The following CACNA2D1 variants were observed in gnomAD, a reference collection of about 807,000 sequenced individuals.
CACNA2D1 encodes the protein calcium voltage-gated channel auxiliary subunit alpha2delta 1, also known as voltage-dependent calcium channel subunit alpha-2/delta-1.
Under a neutral mutation model 171.5 loss-of-function variants are expected in CACNA2D1, and 53 were observed. That is an observed-to-expected ratio of 0.31 (90% confidence interval 0.25 to 0.39). The LOEUF (loss-of-function observed/expected upper bound fraction) is 0.39, where lower values mean the gene tolerates loss of function less well. CACNA2D1 is among the 10% of genes least tolerant of loss of function. The pLI, the probability that CACNA2D1 is intolerant of heterozygous loss-of-function variation, is 1.00. For synonymous variants in CACNA2D1, 442 were observed against 443.1 expected (o/e 1.00, Z 0.03); for missense variants, 903 against 1,299.8 (o/e 0.69, Z 4.69).
chr7:82,393,327 G>C (rs1047658691), intron 1 of CACNA2D1, among the ~76,000 whole-genome samples: 10 of 152,176 alleles, frequency 6.6e-5, no homozygotes, highest in Non-Finnish European at 1.3e-4. Context: ...ACAGCAGTAA[G>C]CATGCTCTTG....
rs761604962 is a variant in CACNA2D1, at chr7:82,443,465, C to T, written c.-6G>A. The T allele has an allele frequency of 6.2e-6, 10 of 1,606,740 alleles. No individual in the cohort carries two copies. The African/African-American group carries it at 6.7e-5, about 11-fold the overall frequency. ...AGCAGGCAGCCAGCAGCCATCTTCGCGATCGAAGATCAATGCCCCCTCCCT... is the reference window on the plus strand; with the variant it reads ...AGCAGGCAGCCAGCAGCCATCTTCGTGATCGAAGATCAATGCCCCCTCCCT... On this transcript the variant is annotated 5_prime_UTR_variant, in exon 1 of 39. Transcript: ENST00000356860.
intron 1 of CACNA2D1, among the ~76,000 whole-genome samples, chr7:82,352,450 G>T (rs1303058796): frequency 6.6e-6 from 1 of 152,020 alleles, no homozygotes; most frequent in Non-Finnish European, 1.5e-5. Flanking sequence ...TATAAAATTT[G>T]GGGGAAATTA....
chr7:82,149,219 C>G (rs1235931917), intron 4 of CACNA2D1, among the ~76,000 whole-genome samples: 1 of 152,148 alleles, frequency 6.6e-6, no homozygotes, highest in Non-Finnish European at 1.5e-5. Flanking sequence ...GCCAGCCTCC[C>G]TCATAAGGTT....
At chr7:82,185,353 C>T (rs559810061) in intron 3 of CACNA2D1, among the ~76,000 whole-genome samples, 1 of 149,884 alleles carries the variant, frequency 6.7e-6, no homozygotes, top group African/African-American at 2.5e-5. Context: ...GAGGTTAGGG[C>T]TGTGTGGCAG....
chr7:82,130,702 G>T (rs1359207246), intron 5 of CACNA2D1, among the ~76,000 whole-genome samples: 1 of 150,976 alleles, frequency 6.6e-6, no homozygotes, highest in Non-Finnish European at 1.5e-5. Context: ...AGAGCCTCAG[G>T]ATTTATAATC....
chr7:82,382,253 T>A (rs1206083351), intron 1 of CACNA2D1, among the ~76,000 whole-genome samples: 1 of 152,238 alleles, frequency 6.6e-6, no homozygotes, highest in African/African-American at 2.4e-5. Flanking sequence ...TTTTGTCCTT[T>A]ACCTCTAAAA....
chr7:82,081,076 C>T (rs1445902279), intron 7 of CACNA2D1, among the ~76,000 whole-genome samples: 1 of 152,166 alleles, frequency 6.6e-6, no homozygotes, highest in Non-Finnish European at 1.5e-5. Flanking sequence ...GTTCTCACAG[C>T]TAGCAGGGAG....
rs1035951302 is a variant in CACNA2D1, at chr7:82,038,200, C to T, written c.915G>A (p.Gln305=). 5 of 1,613,626 alleles carry T rather than the reference C, an allele frequency of 3.1e-6. No individual in the cohort carries two copies. Among genetic ancestry groups the T allele is most frequent in the Non-Finnish European group, 4.2e-6 (5 of 1,179,826 alleles). ...TTCTTACATTTGCTTGGACAAGGTG[C>T]TGAAAACAGCTTACATCCTGAGCAT... is the stretch of plus-strand genomic sequence containing the variant. ...NSNAQDVSCF[Q]HLVQANVRNK... Residue 305 remains glutamine, a synonymous_variant, in exon 11 of 39, where the codon CAG becomes CAA. Transcript: ENST00000356860.
At chr7:82,091,097 C>T (rs1273766378) in intron 6 of CACNA2D1, among the ~76,000 whole-genome samples, 1 of 152,118 alleles carries the variant, frequency 6.6e-6, no homozygotes, top group Admixed American at 6.5e-5. Flanking sequence ...AAAGAATCCA[C>T]TTTAAGGAGT....
intron 3 of CACNA2D1, among the ~76,000 whole-genome samples, chr7:82,224,928 CA>C (rs144041986): frequency 6.7e-6 from 1 of 149,644 alleles, no homozygotes; most frequent in African/African-American, 2.4e-5. Flanking sequence ...TCCAATTGAC[CA>C]AAAAAAAATA....
intron 1 of CACNA2D1, among the ~76,000 whole-genome samples, chr7:82,403,869 G>T (rs1826731369): frequency 6.6e-6 from 1 of 152,172 alleles, no homozygotes; most frequent in Non-Finnish European, 1.5e-5. Flanking sequence ...AAAGACAAAA[G>T]TATTTTTCTA....
chr7:82,355,847 C>A (rs1820361089), intron 1 of CACNA2D1, among the ~76,000 whole-genome samples: 1 of 152,036 alleles, frequency 6.6e-6, no homozygotes, highest in South Asian at 2.1e-4. Context: ...CATATATAAT[C>A]TCTAAATCTG....
At chr7:82,014,054 A>C (rs1196973699) in intron 13 of CACNA2D1, among the ~76,000 whole-genome samples, 1 of 152,086 alleles carries the variant, frequency 6.6e-6, no homozygotes, top group Non-Finnish European at 1.5e-5. Context: ...AGAGAAAAAA[A>C]TATGTATGTC....
At chr7:82,203,873 T>C (rs1403374506) in intron 3 of CACNA2D1, among the ~76,000 whole-genome samples, 8 of 152,192 alleles carry the variant, frequency 5.3e-5, no homozygotes, top group Admixed American at 3.9e-4. Flanking sequence ...GATGCATTCA[T>C]GGAAAATGAC....
chr7:81,970,146 GCATC>G (rs1795117547), intron 27 of CACNA2D1, among the ~76,000 whole-genome samples, 162 bp from the exon 28 acceptor site: 2 of 151,422 alleles, frequency 1.3e-5, no homozygotes, highest in South Asian at 4.1e-4. Context: ...ACTGAGCAAT[GCATC>G]AGCATAGCAC....
intron 1 of CACNA2D1, among the ~76,000 whole-genome samples, chr7:82,361,205 T>C (rs1821045738): frequency 6.6e-6 from 1 of 152,194 alleles, no homozygotes; most frequent in Non-Finnish European, 1.5e-5. Flanking sequence ...AGAAGATTGT[T>C]TCTTAGATAG....
Position 82,264,671 on chromosome 7 carries a change from T to A in CACNA2D1, c.294+70464A>T, listed in dbSNP as rs959883527. Among the ~76,000 whole-genome samples, 83 of 152,174 alleles carry A rather than the reference T, an allele frequency of 5.5e-4. 1 individual carries two copies. Among genetic ancestry groups the A allele is most frequent in the Non-Finnish European group, 1.8e-4 (12 of 68,024 alleles). The stretch of plus-strand genomic sequence containing the variant: ...AAAAGAATGGGCCAGGGAAAGCATA[T>A]CAGTTGAATCAAATTGTGCCTACAG... On this transcript the variant is annotated intron_variant, in intron 3 of 38. Transcript: ENST00000356860.
At chr7:82,308,338 C>G (rs1259736593) in intron 3 of CACNA2D1, among the ~76,000 whole-genome samples, 1 of 152,086 alleles carries the variant, frequency 6.6e-6, no homozygotes, top group African/African-American at 2.4e-5. Flanking sequence ...ATAAAGGGAT[C>G]AAAAAGGGAC....
chr7:81,964,443 GA>G, intron 32 of CACNA2D1, 84 bp from the exon 33 acceptor site: 1 of 1,074,632 alleles, frequency 9.3e-7, no homozygotes, highest in Non-Finnish European at 1.4e-6. Context: ...ACAGTGAAAA[GA>G]AATAATACAA....
Sources: gnomAD v4.1 joint callset for allele counts (sites outside exome capture counted in the v4.1 genomes callset) on GRCh38, gnomAD v4.1.1 for gene constraint, MANE v1.5 for transcripts, NCBI Gene and HGNC (gene_info 2026-07-23, HGNC 2026-07-21) for gene names.